WIPF2: variants seen among roughly 807,000 people sequenced by gnomAD.
The protein encoded by WIPF2 is WAS/WASL-interacting protein family member 2.
WIPF2 carries 23 observed loss-of-function variants against 38.8 expected under a neutral mutation model. The observed-to-expected ratio is 0.59, with a 90% CI of 0.43 to 0.84. The LOEUF (loss-of-function observed/expected upper bound fraction) is 0.84, where lower values mean the gene tolerates loss of function less well. WIPF2 is among the 40% of genes least tolerant of loss of function. WIPF2 has a pLI of 0.00. For synonymous variants in WIPF2, 210 were observed against 223.2 expected, an observed-to-expected ratio of 0.94 and a Z score of 0.53; for missense variants, 574 against 580.5, an observed-to-expected ratio of 0.99 and a Z score of 0.11.
Position 40,273,850 on chromosome 17 carries a change from C to A in WIPF2, c.1031C>A (p.Pro344Gln). The A allele has an allele frequency of 1.9e-6, 3 of 1,587,136 alleles. No individual in the cohort carries two copies. Among genetic ancestry groups the A allele is most frequent in the Non-Finnish European group, 2.6e-6 (3 of 1,159,208 alleles). ...GCCAGGGATGCTCCCCCTCCCCCAC[C>A]ACCATACCGAATGCATGGGTCAGAA... Reference protein sequence around the residue: ...NGARDAPPPPPPYRMHGSEPP... With the variant: ...NGARDAPPPPQPYRMHGSEPP... The change falls in exon 6 of 8, where the codon CCA (proline) becomes CAA (glutamine). Residue 344 changes from proline to glutamine, a missense_variant. Coordinates refer to ENST00000323571, the MANE Select transcript of WIPF2 (RefSeq NM_133264.5).
At chr17:40,232,741 C>A (rs990287576) in intron 1 of WIPF2, among the ~76,000 whole-genome samples, 1 of 151,164 alleles carries the variant, frequency 6.6e-6, no homozygotes, top group Non-Finnish European at 1.5e-5. Flanking sequence ...CTGGTTCAAG[C>A]GATTCTCCTG....
intron 1 of WIPF2, among the ~76,000 whole-genome samples, chr17:40,229,056 A>G (rs1170918493): frequency 6.6e-6 from 1 of 150,722 alleles, no homozygotes; most frequent in African/African-American, 2.4e-5. Context: ...GATGCATGCC[A>G]CCATGGCTAA....
chr17:40,275,628 A>G (rs1262503856), intron 6 of WIPF2, among the ~76,000 whole-genome samples: 1 of 152,096 alleles, frequency 6.6e-6, no homozygotes, highest in Non-Finnish European at 1.5e-5. Flanking sequence ...CAGTAGCGCA[A>G]TCACGGCTCA....
At chr17:40,231,147 C>T (rs1567709817) in intron 1 of WIPF2, among the ~76,000 whole-genome samples, 2 of 152,150 alleles carry the variant, frequency 1.3e-5, no homozygotes, top group African/African-American at 4.8e-5. Context: ...TCTAGCATTT[C>T]AGCAAGGAGC....
intron 5 of WIPF2, among the ~76,000 whole-genome samples, chr17:40,268,337 G>C (rs1051647601): frequency 2.6e-5 from 4 of 152,114 alleles, no homozygotes; most frequent in Non-Finnish European, 5.9e-5. Flanking sequence ...ATGAGGTAGT[G>C]CTAAGGTGGC....
At chr17:40,262,750 C>G in intron 4 of WIPF2, 109 bp downstream of exon 4, 1 of 843,296 alleles carries the variant, frequency 1.2e-6, no homozygotes, top group South Asian at 1.5e-5. Context: ...GGAAGAAAGA[C>G]TTGGGAGTAG....
chr17:40,246,805 T>C (rs533090391), intron 1 of WIPF2, among the ~76,000 whole-genome samples: 1 of 152,204 alleles, frequency 6.6e-6, no homozygotes, highest in South Asian at 2.1e-4. Context: ...GATATGGTAC[T>C]GTCTGTGCTT....
At chr17:40,222,373 C>CT (rs1467159800) in intron 1 of WIPF2, among the ~76,000 whole-genome samples, 14 of 150,998 alleles carry the variant, frequency 9.3e-5, no homozygotes, top group Non-Finnish European at 1.6e-4. Flanking sequence ...TAAAGGAAAA[C>CT]AAGGCTGGGC....
rs1555557765 is a variant in WIPF2, at chr17:40,219,394, GCGGCGA to G, written c.-161_-156del. ...GGCGGCGGCGGCGGCGGCGGCGGCG[GCGGCGA>G]CGGCGAGAAAGAGCTTGCCGGGGGG... On this transcript the variant is annotated 5_prime_UTR_variant, in exon 1 of 8. Coordinates refer to ENST00000323571, the MANE Select transcript of WIPF2 (RefSeq NM_133264.5). 9.6e-6 allele frequency: 4 copies of G among 416,480 alleles called. No individual in the cohort carries two copies. Among genetic ancestry groups the G allele is most frequent in the South Asian group, 4.3e-5 (2 of 45,982 alleles). The allele number at this position is 416,480 out of a possible 1,614,324, so 25.8% of individuals were successfully genotyped here.
intron 1 of WIPF2, among the ~76,000 whole-genome samples, chr17:40,226,695 AAGAAC>A: frequency 6.6e-6 from 1 of 152,310 alleles, no homozygotes; most frequent in South Asian, 2.1e-4. Context: ...TCTTAGAAAT[AAGAAC>A]AGAACTGTTT....
At chr17:40,223,744 C>T (rs1047682129) in intron 1 of WIPF2, among the ~76,000 whole-genome samples, 2 of 151,666 alleles carry the variant, frequency 1.3e-5, no homozygotes, top group African/African-American at 4.9e-5. Flanking sequence ...GGTGCCATCA[C>T]GCCTGGCTAA....
intron 1 of WIPF2, among the ~76,000 whole-genome samples, chr17:40,249,562 T>A (rs867128003): frequency 6.6e-6 from 1 of 151,924 alleles, no homozygotes; most frequent in South Asian, 2.1e-4. Flanking sequence ...CAAGCGGTTC[T>A]CCTGCCTCAG....
At chr17:40,274,331 C>T (rs2032326100) in intron 6 of WIPF2, among the ~76,000 whole-genome samples, 1 of 152,014 alleles carries the variant, frequency 6.6e-6, no homozygotes, top group Admixed American at 6.6e-5. Context: ...TCAGACAGGA[C>T]TTATGTATTC....
intron 1 of WIPF2, among the ~76,000 whole-genome samples, chr17:40,224,406 A>ATTTTT (rs67838907): frequency 1.2e-4 from 11 of 89,128 alleles, no homozygotes; most frequent in African/African-American, 3.2e-4. Context: ...GATTTTTTGT[A>ATTTTT]TTTTTTTTTT....
chr17:40,248,955 G>A (rs1239182797), intron 1 of WIPF2, among the ~76,000 whole-genome samples: 1 of 152,118 alleles, frequency 6.6e-6, no homozygotes, highest in East Asian at 1.9e-4. Context: ...AGGAAGGACT[G>A]GGACCTTAAG....
In WIPF2 at chr17:40,267,853, T is replaced by C. The variant is rs536422379; in HGVS notation, c.970+2707T>C. ...GTATAGAACATTGATTAAGGAGTTATGTCATGGAGTCTGGGCATGATGGCT... is the reference window on the plus strand; with the variant it reads ...GTATAGAACATTGATTAAGGAGTTACGTCATGGAGTCTGGGCATGATGGCT... On this transcript the variant is annotated intron_variant, in intron 5 of 7. Transcript: ENST00000323571. 6.6e-5 allele frequency among the ~76,000 whole-genome samples: 10 copies of C among 152,294 alleles called. No individual in the cohort carries two copies. The South Asian group carries it at 2.1e-3, about 32-fold the overall frequency.
intron 6 of WIPF2, among the ~76,000 whole-genome samples, chr17:40,276,749 C>G (rs553693951): frequency 6.6e-6 from 1 of 152,084 alleles, no homozygotes; most frequent in East Asian, 1.9e-4. Context: ...CCCGTCTCTA[C>G]TAAAAATACA....
At chr17:40,234,024 T>C (rs913453167) in intron 1 of WIPF2, among the ~76,000 whole-genome samples, 1 of 149,804 alleles carries the variant, frequency 6.7e-6, no homozygotes, top group Non-Finnish European at 1.5e-5. Context: ...GATTGTGCCA[T>C]TGCACTCCAG....
chr17:40,245,464 T>C (rs1465188563), intron 1 of WIPF2, among the ~76,000 whole-genome samples: 1 of 151,984 alleles, frequency 6.6e-6, no homozygotes, highest in African/African-American at 2.4e-5. Flanking sequence ...TGCCTCAGCC[T>C]CCTGAGTAGC....
Sources: gnomAD v4.1 joint callset for allele counts (sites outside exome capture counted in the v4.1 genomes callset) on GRCh38, gnomAD v4.1.1 for gene constraint, MANE v1.5 for transcripts, NCBI Gene and HGNC (gene_info 2026-07-23, HGNC 2026-07-21) for gene names.